HTT: variants seen among roughly 807,000 people sequenced by gnomAD.
The protein encoded by HTT is huntington disease protein.
A neutral mutation model predicts 362.3 loss-of-function variants in HTT; 104 were observed. The observed-to-expected ratio is 0.29, with a 90% confidence interval of 0.24 to 0.34. The LOEUF (loss-of-function observed/expected upper bound fraction) is 0.34, where lower values mean the gene tolerates loss of function less well. HTT is among the 10% of genes least tolerant of loss of function. HTT has a pLI of 1.00. For synonymous variants in HTT, 1,577 were observed against 1,548.7 expected, an observed-to-expected ratio of 1.02 and a Z score of -0.43; for missense variants, 3,301 against 3,928.6, an observed-to-expected ratio of 0.84 and a Z score of 4.27.
In HTT at chr4:3,180,555, A is replaced by G. The variant is rs571189591; in HGVS notation, c.4653A>G (p.Val1551=). Residue 1551 remains valine, a synonymous_variant, in exon 36 of 67, where the codon GTA becomes GTG. Coordinates refer to ENST00000355072, the MANE Select transcript of HTT (RefSeq NM_001388492.1). ...ALQPIVHDLF[V]LRGTNKADAG... ...AGCCCATAGTCCACGACCTCTTTGT[A>G]TTAAGAGGAACAAATAAAGCTGATG... The G allele has an allele frequency of 6.2e-7, 1 of 1,613,258 alleles. No individual in the cohort carries two copies.
Position 3,228,676 on chromosome 4 carries a change from A to G in HTT, c.7910A>G (p.Asp2637Gly). 1 of 1,610,004 alleles carries G rather than the reference A, an allele frequency of 6.2e-7. No individual in the cohort carries two copies. The highest frequency in any genetic ancestry group is 8.5e-7 in the Non-Finnish European group (1 of 1,177,734). Residue 2637 changes from aspartate (D) to glycine (G), a missense_variant, in exon 58 of 67, where the codon GAC (aspartate) becomes GGC (glycine). Physicochemically the swap from Asp to Gly is moderately conservative, Grantham distance 94 (BLOSUM62 -1). This residue lies in a region of HTT where 753 missense variants were observed against 1,021.3 expected (regional missense o/e 0.74). Coordinates refer to ENST00000355072, the MANE Select transcript of HTT (RefSeq NM_001388492.1). This position sits in a 1 kb window ranked among gnomAD's most constrained non-coding sequence, Gnocchi z 4.3. ...ACACCCCTGAGGGAGGAGGAATGGG[A>G]CGAGGAAGAGGAGGAGGAGGCCGAC... is the stretch of plus-strand genomic sequence containing the variant. ...SITPLREEEW[D>G]EEEEEEADAP... is the part of the protein sequence containing the mutation.
chr4:3,222,351 G>C (rs957104096), intron 53 of HTT, 36 bp from the exon 54 acceptor site: 21 of 1,565,586 alleles, frequency 1.3e-5, no homozygotes, highest in Middle Eastern at 1.7e-4. Flanking sequence ...GCTTGAGAAG[G>C]GTTGACACTC....
At position 3,137,690 on chromosome 4, in the gene HTT, C is replaced by T. The variant is rs140920519; in HGVS notation, c.2798+1364C>T. 3.3e-5 allele frequency among the ~76,000 whole-genome samples: 5 copies of T among 152,314 alleles called. No homozygotes were observed. In the East Asian group the frequency reaches 5.8e-4, roughly 18 times the overall value. On this transcript the variant is annotated intron_variant, in intron 21 of 66. Coordinates refer to ENST00000355072, the MANE Select transcript of HTT (RefSeq NM_001388492.1). ...TTCCAACCTGGGCAACAGAGAGAGA[C>T]TGTCTCAAAACAAACAAAGATTTGT...
intron 61 of HTT, among the ~76,000 whole-genome samples, chr4:3,234,923 C>T (rs1721448918): frequency 6.6e-6 from 1 of 152,312 alleles, no homozygotes; most frequent in South Asian, 2.1e-4. Context: ...GAAGGAAAAG[C>T]ACAGGGCACT....
chr4:3,220,368 A>G, intron 53 of HTT, 60 bp downstream of exon 53: 1 of 1,551,412 alleles, frequency 6.4e-7, no homozygotes, highest in African/African-American at 1.4e-5. Flanking sequence ...GAGGAAATCC[A>G]GAGCCCCCAG....
intron 12 of HTT, among the ~76,000 whole-genome samples, chr4:3,127,817 A>G (rs893913498): frequency 6.6e-6 from 1 of 151,720 alleles, no homozygotes; most frequent in African/African-American, 2.4e-5. Context: ...TACAAAAATT[A>G]GTTGGGCGTG....
At chr4:3,192,521 C>T (rs1368192529) in intron 40 of HTT, among the ~76,000 whole-genome samples, 1 of 152,144 alleles carries the variant, frequency 6.6e-6, no homozygotes, top group Non-Finnish European at 1.5e-5. Flanking sequence ...GACCATAAAC[C>T]CCTGAATGCT....
chr4:3,210,904 C>CTTTT lies in HTT; in HGVS notation c.6414+967_6414+970dup, dbSNP rs780304223. ...AAATCCATTTACTAAAATTGTTTAT[C>CTTTT]TTTTTTTTTTTTTTTGAGACAAAGT... On this transcript the variant is annotated intron_variant, in intron 47 of 66. Coordinates refer to ENST00000355072, the MANE Select transcript of HTT (RefSeq NM_001388492.1). Among the ~76,000 whole-genome samples, 32 of 122,706 alleles carry CTTTT rather than the reference C, an allele frequency of 2.6e-4. No homozygotes were observed. In the East Asian group the frequency reaches 4.5e-3, roughly 17 times the overall value. 80.5% of individuals were successfully genotyped at this position (122,706 alleles called of 152,430 possible). A position where few individuals can be genotyped will look rare whatever the true frequency, so the allele number is the denominator to read the frequency against.
At position 3,206,673 on chromosome 4, in the gene HTT, A is replaced by G. The variant is rs765899661; in HGVS notation, c.5896A>G (p.Thr1966Ala). The G allele has an allele frequency of 3.7e-6, 6 of 1,613,920 alleles. No individual in the cohort carries two copies. The East Asian group carries it at 8.9e-5, about 24-fold the overall frequency. ...TCAGTCTCGTTGTGAAAACCTTTCAACTGTACGTCTTCATCCTGCCGACTA... is the reference window on the plus strand; with the variant it reads ...TCAGTCTCGTTGTGAAAACCTTTCAGCTGTACGTCTTCATCCTGCCGACTA... The part of the protein sequence containing the change: ...AIQSRCENLS[T>A]PTMLKKTLQC... The change falls in exon 43 of 67, where the codon ACT becomes GCT. Residue 1966 changes from threonine to alanine, a missense_variant and splice_region_variant. Transcript: ENST00000355072. The surrounding 1 kb of genome is among the most constrained non-coding windows in gnomAD (Gnocchi z 4.6).
chr4:3,102,022 T>C (rs544577977), intron 3 of HTT, among the ~76,000 whole-genome samples: 26 of 152,174 alleles, frequency 1.7e-4, no homozygotes, highest in Admixed American at 1.6e-3. Flanking sequence ...GGTCAAGGGG[T>C]TGTACCTTGT....
In HTT at chr4:3,154,203, G is replaced by A. The variant is rs1717033666; in HGVS notation, c.3499-90G>A. 3.5e-6 allele frequency: 4 copies of A among 1,129,126 alleles called. No individual in the cohort carries two copies. The Admixed American group carries it at 9.9e-5, about 28-fold the overall frequency. 69.9% of individuals were successfully genotyped at this position (1,129,126 alleles called of 1,614,324 possible). ...ATGGGTTAGCTCTTTTTAATAAATG[G>A]TAAAACCAAATATTCTAATTTTCAG... is the stretch of plus-strand genomic sequence containing the variant. On this transcript the variant is annotated intron_variant, in intron 26 of 66. Transcript: ENST00000355072.
intron 47 of HTT, among the ~76,000 whole-genome samples, chr4:3,210,920 G>C (rs868287471): frequency 4.5e-5 from 2 of 44,324 alleles, no homozygotes; most frequent in East Asian, 1.1e-3. Flanking sequence ...TTTTTTTTTT[G>C]AGACAAAGTC....
At chr4:3,084,707 G>T (rs1441202392) in intron 1 of HTT, among the ~76,000 whole-genome samples, 1 of 142,662 alleles carries the variant, frequency 7.0e-6, no homozygotes, top group Non-Finnish European at 1.5e-5. Flanking sequence ...AAAAAACCAA[G>T]ATCAATTAAA....
chr4:3,121,537 T>G (rs752877619), intron 9 of HTT, 105 bp downstream of exon 9: 4 of 721,712 alleles, frequency 5.5e-6, no homozygotes, highest in Admixed American at 2.8e-5. Flanking sequence ...GCATTCCATC[T>G]TCCTTGCCAA....
chr4:3,157,181 T>A lies in HTT; in HGVS notation c.3735T>A (p.Ala1245=). The A allele has an allele frequency of 6.2e-7, 1 of 1,613,712 alleles. No individual in the cohort carries two copies. The highest frequency in any genetic ancestry group is 8.5e-7 in the Non-Finnish European group (1 of 1,179,810). The change falls in exon 28 of 67, where the codon GCT becomes GCA. Residue 1245 remains alanine, a synonymous_variant. Transcript: ENST00000355072. ...SYLKLHDVLK[A]THANYKVTLD... ...TCAAACTGCATGATGTCCTGAAAGCTACACACGCTAACTACAAGGTATGGG... is the reference window on the plus strand; with the variant it reads ...TCAAACTGCATGATGTCCTGAAAGCAACACACGCTAACTACAAGGTATGGG...
intron 41 of HTT, among the ~76,000 whole-genome samples, chr4:3,202,635 C>T (rs1436643255): frequency 6.6e-6 from 1 of 152,208 alleles, no homozygotes; most frequent in African/African-American, 2.4e-5. Context: ...CCCTCTTCCT[C>T]TGCCACATCC....
intron 27 of HTT, among the ~76,000 whole-genome samples, chr4:3,156,665 G>A (rs553574988): frequency 6.6e-6 from 1 of 152,288 alleles, no homozygotes; most frequent in Admixed American, 6.5e-5. Context: ...TGCCTTTGCC[G>A]TCTTTAAAAC....
chr4:3,210,388 G>A lies in HTT; in HGVS notation c.6414+439G>A, dbSNP rs140262116. ...AGACTTCAACACAGTGTCGTAATGC[G>A]TGACGTCAATAACTTGTTTCTAGTG... On this transcript the variant is annotated intron_variant, in intron 47 of 66. Coordinates refer to ENST00000355072, the MANE Select transcript of HTT (RefSeq NM_001388492.1). 1.6e-3 allele frequency among the ~76,000 whole-genome samples: 250 copies of A among 152,338 alleles called. 2 individuals carry two copies. The highest frequency in any genetic ancestry group is 5.8e-3 in the African/African-American group (243 of 41,568).
rs1376133227 is a variant in HTT, at chr4:3,187,788, A to G, written c.5127A>G (p.Thr1709=). 9.9e-6 allele frequency: 16 copies of G among 1,612,280 alleles called. No homozygotes were observed. The highest frequency in any genetic ancestry group is 1.4e-5 in the Non-Finnish European group (16 of 1,178,428). The change falls in exon 39 of 67, where the codon ACA becomes ACG. Residue 1709 remains threonine, a synonymous_variant. Coordinates refer to ENST00000355072, the MANE Select transcript of HTT (RefSeq NM_001388492.1). ...TCTCTCCGTATTTAATCTCCTGTAC[A>G]GTAATTAATAGGTTAAGAGATGGGG... ...LSFSPYLISC[T]VINRLRDGDS...
Sources: gnomAD v4.1 joint callset for allele counts (sites outside exome capture counted in the v4.1 genomes callset) on GRCh38, gnomAD v4.1.1 for gene constraint, gnomAD v4.1.1 regional missense constraint, Gnocchi (gnomAD v3.1) non-coding constraint, MANE v1.5 for transcripts, NCBI Gene and HGNC (gene_info 2026-07-23, HGNC 2026-07-21) for gene names.